Variants in SUMF1 observed in about 807,000 individuals in gnomAD.
The protein encoded by SUMF1 is formylglycine-generating enzyme.
A neutral mutation model predicts 47.6 loss-of-function variants in SUMF1; 48 were observed. The observed-to-expected ratio is 1.01, with a 90% CI of 0.80 to 1.28. SUMF1 has a LOEUF of 1.28. SUMF1 is among the 50% of genes most tolerant of loss of function. The pLI is 0.00. For missense variants in SUMF1, 571 were observed against 485.4 expected (o/e 1.18, Z -1.66); for synonymous variants, 230 against 192.1 (o/e 1.20, Z -1.63).
chr3:4,092,304 A>G (rs1692805560), intron 8 of SUMF1, among the ~76,000 whole-genome samples: 1 of 152,080 alleles, frequency 6.6e-6, no homozygotes, highest in Admixed American at 6.5e-5. Flanking sequence ...GAAGATCCCA[A>G]TTCTCTATCC....
At chr3:4,450,360 T>C (rs1464140404) in intron 2 of SUMF1, among the ~76,000 whole-genome samples, 1 of 152,202 alleles carries the variant, frequency 6.6e-6, no homozygotes, top group Non-Finnish European at 1.5e-5. Flanking sequence ...CTGTTCTTAC[T>C]AGATGAAATT....
intron 8 of SUMF1, among the ~76,000 whole-genome samples, chr3:4,141,778 A>G (rs1027945825): frequency 6.6e-6 from 1 of 152,184 alleles, no homozygotes; most frequent in African/African-American, 2.4e-5. Flanking sequence ...GAAAAGTCCC[A>G]GGCCAAGAGA....
intron 1 of SUMF1, among the ~76,000 whole-genome samples, chr3:4,456,892 ATATG>A (rs1382061636): frequency 1.6e-5 from 2 of 123,860 alleles, no homozygotes; most frequent in South Asian, 5.5e-4. Flanking sequence ...GTGTGTATAT[ATATG>A]TGTGTGTATA....
chr3:4,449,443 T>C (rs1054351196), intron 2 of SUMF1, 103 bp from the exon 3 acceptor site: 26 of 1,183,310 alleles, frequency 2.2e-5, no homozygotes, highest in East Asian at 1.9e-4. Flanking sequence ...TCTTGTCCAA[T>C]TGAACTTGAG....
chr3:4,163,685 G>A (rs1174582035), intron 8 of SUMF1, among the ~76,000 whole-genome samples: 2 of 151,646 alleles, frequency 1.3e-5, no homozygotes, highest in Non-Finnish European at 2.9e-5. Context: ...TAGAGTGAGT[G>A]GGGCAGAGTT....
chr3:4,166,636 G>A (rs1438245514), intron 8 of SUMF1, among the ~76,000 whole-genome samples: 2 of 152,250 alleles, frequency 1.3e-5, no homozygotes, highest in South Asian at 4.1e-4. Context: ...GAGGCAGAAG[G>A]AAGTTTGTCT....
At chr3:4,450,314 C>G in intron 2 of SUMF1, among the ~76,000 whole-genome samples, 1 of 152,158 alleles carries the variant, frequency 6.6e-6, no homozygotes, top group Non-Finnish European at 1.5e-5. Flanking sequence ...AGCCAGTACT[C>G]CAAATGACTC....
chr3:4,449,711 C>G (rs1575237537), intron 2 of SUMF1, among the ~76,000 whole-genome samples: 1 of 152,234 alleles, frequency 6.6e-6, no homozygotes, highest in Non-Finnish European at 1.5e-5. Flanking sequence ...TGTCCTGAAT[C>G]TAGCTAAACG....
chr3:4,096,662 G>A (rs1247179155), intron 8 of SUMF1, among the ~76,000 whole-genome samples: 4 of 152,078 alleles, frequency 2.6e-5, no homozygotes, highest in Admixed American at 2.6e-4. Flanking sequence ...TCATCAGGAA[G>A]ACACATACCA....
At chr3:4,383,168 C>G (rs1002537051) in intron 7 of SUMF1, among the ~76,000 whole-genome samples, 1 of 152,128 alleles carries the variant, frequency 6.6e-6, no homozygotes, top group Non-Finnish European at 1.5e-5. Flanking sequence ...CACTGGAGGT[C>G]AGGAGCTCAA....
chr3:4,276,309 G>A (rs142932788), intron 8 of SUMF1, among the ~76,000 whole-genome samples: 1 of 152,224 alleles, frequency 6.6e-6, no homozygotes, highest in East Asian at 1.9e-4. Flanking sequence ...TTTAAATGAA[G>A]AAATAGCCTA....
chr3:4,248,440 G>C (rs963340592), intron 8 of SUMF1, among the ~76,000 whole-genome samples: 5 of 152,216 alleles, frequency 3.3e-5, no homozygotes, highest in South Asian at 2.1e-4. Flanking sequence ...GAGAAGAAAA[G>C]ATACAAGACA....
At chr3:4,084,540 G>C (rs1041984164) in intron 8 of SUMF1, among the ~76,000 whole-genome samples, 1 of 152,036 alleles carries the variant, frequency 6.6e-6, no homozygotes, top group East Asian at 1.9e-4. Context: ...TGATTAGTAA[G>C]AACCAAAGCA....
chr3:4,339,873 T>A (rs1429836887), intron 8 of SUMF1, among the ~76,000 whole-genome samples: 1 of 151,948 alleles, frequency 6.6e-6, no homozygotes, highest in Non-Finnish European at 1.5e-5. Context: ...GCCCAGGAGT[T>A]CAAGAACAGC....
chr3:4,134,304 AT>A (rs766259058), intron 8 of SUMF1, among the ~76,000 whole-genome samples: 18 of 152,182 alleles, frequency 1.2e-4, no homozygotes, highest in Non-Finnish European at 1.8e-4. Flanking sequence ...AGAACTCAGG[AT>A]TAAGAAACTC....
intron 8 of SUMF1, among the ~76,000 whole-genome samples, chr3:4,169,529 G>A (rs1485081723): frequency 6.6e-6 from 1 of 152,136 alleles, no homozygotes; most frequent in East Asian, 1.9e-4. Context: ...ATCCACTAGA[G>A]CCTTTAGAAG....
chr3:4,158,401 T>G (rs574569209), intron 8 of SUMF1, among the ~76,000 whole-genome samples: 1 of 151,678 alleles, frequency 6.6e-6, no homozygotes, highest in African/African-American at 2.4e-5. Flanking sequence ...ATCCATGTGC[T>G]GAGGAGAAGA....
At position 4,211,199 on chromosome 3, in the gene SUMF1, C is replaced by CATATATATATATATATATGTAT. The variant is rs3046224; in HGVS notation, c.1015-142455_1015-142454insATACATATATATATATATATAT. Among the ~76,000 whole-genome samples the CATATATATATATATATATGTAT allele has an allele frequency of 7.1e-4, 60 of 85,024 alleles. 1 individual carries two copies. Among genetic ancestry groups the CATATATATATATATATATGTAT allele is most frequent in the African/African-American group, 2.7e-3 (56 of 20,590 alleles). The allele number at this position is 85,024 out of a possible 152,430, so 55.8% of individuals were successfully genotyped here. ...ATATATATACATATACATATACATA[C>CATATATATATATATATATGTAT]ATACATATATATATATATATATATA... On this transcript the variant is annotated intron_variant and NMD_transcript_variant, in intron 8 of 12. Coordinates refer to the SUMF1 transcript ENST00000448413.
chr3:4,215,449 G>A (rs1176904423), intron 8 of SUMF1, among the ~76,000 whole-genome samples: 2 of 152,138 alleles, frequency 1.3e-5, no homozygotes, highest in Admixed American at 6.5e-5. Context: ...TACTGAATGG[G>A]CAAAAGCTGA....
Sources: gnomAD v4.1 joint callset for allele counts (sites outside exome capture counted in the v4.1 genomes callset) on GRCh38, gnomAD v4.1.1 for gene constraint, MANE v1.5 for transcripts, NCBI Gene and HGNC (gene_info 2026-07-23, HGNC 2026-07-21) for gene names.